The following MUSK variants were observed in gnomAD, a reference collection of about 807,000 sequenced individuals.
The protein encoded by MUSK is muscle associated receptor tyrosine kinase.
In MUSK, 55 loss-of-function variants were observed where a neutral mutation model predicts 88.7. The ratio of observed to expected loss-of-function variants is 0.62; its 90% CI spans 0.50 to 0.78. The LOEUF is 0.78. Ranked by LOEUF, MUSK falls within the 30% of genes least tolerant of loss-of-function variation. MUSK has a pLI of 0.00. For synonymous variants in MUSK, 387 were observed against 391.9 expected (o/e 0.99, Z 0.15); for missense variants, 1,015 against 1,074.3 (o/e 0.94, Z 0.77).
At chr9:110,681,094 T>A (rs10980522) in intron 1 of MUSK, among the ~76,000 whole-genome samples, 5,904 of 15,962 alleles carry the variant, frequency 0.37, 1,557 homozygotes, top group Non-Finnish European at 0.5. Flanking sequence ...ATAATATATA[T>A]TATATAATAT....
At chr9:110,787,103 C>T (rs1031638440) in intron 13 of MUSK, among the ~76,000 whole-genome samples, 1 of 152,128 alleles carries the variant, frequency 6.6e-6, no homozygotes, top group East Asian at 1.9e-4. Context: ...TGGCTCACAC[C>T]TGTAATCCCC....
At chr9:110,689,709 A>ATATATTTTATATAT (rs1259002278) in intron 3 of MUSK, among the ~76,000 whole-genome samples, 1 of 55,306 alleles carries the variant, frequency 1.8e-5, no homozygotes, top group African/African-American at 8.4e-5. Flanking sequence ...ATAAATATAT[A>ATATATTTTATATAT]ACTATATATG....
intron 3 of MUSK, among the ~76,000 whole-genome samples, chr9:110,688,356 T>A (rs746142416): frequency 6.6e-6 from 1 of 152,014 alleles, no homozygotes; most frequent in Non-Finnish European, 1.5e-5. Flanking sequence ...ATGTTTGTCT[T>A]TTTTTTTCAA....
intron 5 of MUSK, among the ~76,000 whole-genome samples, chr9:110,730,763 C>A (rs2076953026): frequency 6.6e-6 from 1 of 151,986 alleles, no homozygotes; most frequent in African/African-American, 2.4e-5. Flanking sequence ...GAGTATTATG[C>A]AATTGCTCAG....
chr9:110,677,938 C>A (rs2076052870), intron 1 of MUSK, among the ~76,000 whole-genome samples: 1 of 151,948 alleles, frequency 6.6e-6, no homozygotes, highest in Non-Finnish European at 1.5e-5. Flanking sequence ...TATATTTTTG[C>A]AAGGATTTTT....
At chr9:110,746,228 G>C (rs2846447) in intron 6 of MUSK, among the ~76,000 whole-genome samples, 117,892 of 152,072 alleles carry the variant, frequency 0.78, 45,965 homozygotes, top group African/African-American at 0.81. Context: ...ATGTTTCCCT[G>C]ATATAAGCAG....
At chr9:110,751,461 A>G (rs1431823306) in intron 7 of MUSK, among the ~76,000 whole-genome samples, 2 of 152,178 alleles carry the variant, frequency 1.3e-5, no homozygotes, top group African/African-American at 4.8e-5. Context: ...TGGAATTTGC[A>G]TGGGGGAAGG....
chr9:110,684,941 G>C (rs959456098), intron 2 of MUSK, among the ~76,000 whole-genome samples: 1 of 151,968 alleles, frequency 6.6e-6, no homozygotes, highest in South Asian at 2.1e-4. Flanking sequence ...CTTCCAATTT[G>C]GATGGCCCTT....
At chr9:110,756,845 G>A (rs1309194495) in intron 7 of MUSK, among the ~76,000 whole-genome samples, 1 of 149,906 alleles carries the variant, frequency 6.7e-6, no homozygotes, top group Non-Finnish European at 1.5e-5. Flanking sequence ...CAAGTTGTAT[G>A]TGTGTGTGTG....
intron 1 of MUSK, among the ~76,000 whole-genome samples, chr9:110,675,450 T>C (rs1464115106): frequency 1.9e-5 from 2 of 107,826 alleles, no homozygotes; most frequent in Non-Finnish European, 4.0e-5. Context: ...CTCGATCTCC[T>C]GACCTCGTGA....
chr9:110,786,761 C>A (rs887414842), intron 13 of MUSK, among the ~76,000 whole-genome samples: 5 of 152,066 alleles, frequency 3.3e-5, no homozygotes, highest in Non-Finnish European at 7.4e-5. Flanking sequence ...CACCTTTGTG[C>A]GAATTGGAAT....
intron 9 of MUSK, among the ~76,000 whole-genome samples, chr9:110,771,001 GTAGT>G (rs2077564575): frequency 1.3e-5 from 2 of 151,566 alleles, no homozygotes; most frequent in South Asian, 2.1e-4. Flanking sequence ...TTTTTTTGAG[GTAGT>G]TAGTTGATAG....
chr9:110,772,872 AGT>A (rs2077601613), intron 9 of MUSK, among the ~76,000 whole-genome samples: 1 of 152,132 alleles, frequency 6.6e-6, no homozygotes, highest in African/African-American at 2.4e-5. Flanking sequence ...TCATCAAACT[AGT>A]TCAGAAGTTG....
chr9:110,747,782 G>A lies in MUSK; in HGVS notation c.895G>A (p.Ala299Thr), dbSNP rs2077194503. The A allele has an allele frequency of 6.2e-7, 1 of 1,613,694 alleles. No individual in the cohort carries two copies. Among genetic ancestry groups the A allele is most frequent in the African/African-American group, 1.3e-5 (1 of 74,918 alleles). ...GAAGTTCAGTACTGCCAAGGCTGCAGCCACCATCAGCATAGCAGGTAGGAT... is the reference window on the plus strand; with the variant it reads ...GAAGTTCAGTACTGCCAAGGCTGCAACCACCATCAGCATAGCAGGTAGGAT... ...GEKFSTAKAA[A>T]TISIAEWSKP... The change falls in exon 7 of 15, where the codon GCC (alanine) becomes ACC (threonine). Residue 299 changes from alanine to threonine, a missense_variant. Transcript: ENST00000374448.
At chr9:110,728,455 CCTGG>C (rs2131824270) in intron 5 of MUSK, among the ~76,000 whole-genome samples, 1 of 152,136 alleles carries the variant, frequency 6.6e-6, no homozygotes, top group East Asian at 1.9e-4. Context: ...TATAATACTG[CCTGG>C]CTAAAAGTAA....
intron 1 of MUSK, among the ~76,000 whole-genome samples, chr9:110,677,177 C>A (rs1204150848): frequency 1.3e-5 from 2 of 152,182 alleles, no homozygotes; most frequent in African/African-American, 4.8e-5. Context: ...AGCATTTAAA[C>A]CCACTCTTGT....
At chr9:110,728,416 T>A (rs553958449) in intron 5 of MUSK, 2 of 414,636 alleles carry the variant, frequency 4.8e-6, no homozygotes, top group South Asian at 7.4e-5. Flanking sequence ...AAGAGCTACA[T>A]TGTTAGGTAT....
At chr9:110,671,604 G>T (rs745501416) in intron 1 of MUSK, among the ~76,000 whole-genome samples, 15 of 152,144 alleles carry the variant, frequency 9.9e-5, no homozygotes, top group African/African-American at 1.4e-4. Flanking sequence ...AATGCCCAAT[G>T]ATAAGGGGAA....
chr9:110,784,970 A>C lies in MUSK; in HGVS notation c.1540A>C (p.Thr514Pro), dbSNP rs1379894331. The change falls in exon 12 of 15, where the codon ACT becomes CCT. Residue 514 changes from threonine to proline, a missense_variant. Thr to Pro is a conservative substitution (Grantham distance 38). Transcript: ENST00000374448. ...FAIFVLLTITTLYCCRRRKQW... is the reference protein window; with the variant it reads ...FAIFVLLTITPLYCCRRRKQW... ...AATATTTGTGCTTCTTACCATAACT[A>C]CTCTCTATTGCTGCCGAAGAAGAAA... 4 of 1,613,640 alleles carry C rather than the reference A, an allele frequency of 2.5e-6. No homozygotes were observed. In the Admixed American group the frequency reaches 5.0e-5, roughly 20 times the overall value.
Sources: gnomAD v4.1 joint callset for allele counts (sites outside exome capture counted in the v4.1 genomes callset) on GRCh38, gnomAD v4.1.1 for gene constraint, MANE v1.5 for transcripts, NCBI Gene and HGNC (gene_info 2026-07-23, HGNC 2026-07-21) for gene names.